The following CTNNA3 variants were observed in gnomAD, a reference collection of about 807,000 sequenced individuals.
CTNNA3 encodes catenin alpha-3.
A neutral mutation model predicts 95.7 loss-of-function variants in CTNNA3; 76 were observed. The observed-to-expected ratio is 0.79, with a 90% confidence interval of 0.66 to 0.96. CTNNA3 has a LOEUF of 0.96. Ranked by LOEUF, CTNNA3 falls within the 40% of genes least tolerant of loss-of-function variation. CTNNA3 has a pLI of 0.00. For missense variants in CTNNA3, 1,191 were observed against 1,089.8 expected (o/e 1.09, Z -1.31); for synonymous variants, 431 against 374.4 (o/e 1.15, Z -1.74).
chr10:66,958,815 A>G (rs975945489), intron 7 of CTNNA3, among the ~76,000 whole-genome samples: 5 of 152,122 alleles, frequency 3.3e-5, no homozygotes, highest in Non-Finnish European at 5.9e-5. Context: ...CTCAAAGAAG[A>G]AGGAAAGGAA....
chr10:67,296,279 C>T (rs1320414508), intron 5 of CTNNA3, among the ~76,000 whole-genome samples: 1 of 152,144 alleles, frequency 6.6e-6, no homozygotes, highest in Non-Finnish European at 1.5e-5. Flanking sequence ...AGAGCATTAT[C>T]GCCTACCTAG....
At chr10:67,182,411 A>T (rs1180866138) in intron 6 of CTNNA3, among the ~76,000 whole-genome samples, 1 of 152,204 alleles carries the variant, frequency 6.6e-6, no homozygotes, top group Non-Finnish European at 1.5e-5. Context: ...GATCTTTGAC[A>T]AACCTGAGAA....
At chr10:67,234,422 A>C (rs1022116829) in intron 5 of CTNNA3, among the ~76,000 whole-genome samples, 11 of 152,260 alleles carry the variant, frequency 7.2e-5, no homozygotes, top group African/African-American at 1.2e-4. Flanking sequence ...CCACATGATT[A>C]TCTCAACAGA....
intron 5 of CTNNA3, among the ~76,000 whole-genome samples, chr10:67,473,586 T>C (rs956204044): frequency 6.6e-6 from 1 of 152,186 alleles, no homozygotes; most frequent in Non-Finnish European, 1.5e-5. Flanking sequence ...TTGCATAACT[T>C]AAGAGGCTCA....
At chr10:66,740,127 G>A (rs771162838) in intron 9 of CTNNA3, among the ~76,000 whole-genome samples, 4 of 152,154 alleles carry the variant, frequency 2.6e-5, no homozygotes, top group East Asian at 1.9e-4. Flanking sequence ...AAGAGCGGGG[G>A]ACTTTATTAA....
intron 11 of CTNNA3, among the ~76,000 whole-genome samples, chr10:66,517,699 T>C (rs1293503133): frequency 6.6e-6 from 1 of 152,130 alleles, no homozygotes; most frequent in Non-Finnish European, 1.5e-5. Context: ...ATTTCTTTAC[T>C]TTCTCAATAA....
intron 7 of CTNNA3, among the ~76,000 whole-genome samples, chr10:67,134,084 T>C (rs1015958252): frequency 6.6e-6 from 1 of 152,112 alleles, no homozygotes; most frequent in Admixed American, 6.6e-5. Flanking sequence ...GGATATAAAC[T>C]CTAGCCTGTG....
intron 9 of CTNNA3, among the ~76,000 whole-genome samples, chr10:66,683,803 T>C (rs530114596): frequency 2.6e-5 from 4 of 152,256 alleles, no homozygotes; most frequent in East Asian, 1.9e-4. Flanking sequence ...TTTTGTATTT[T>C]GGGCTGGTTT....
intron 13 of CTNNA3, among the ~76,000 whole-genome samples, chr10:66,135,787 G>C (rs1462316628): frequency 6.6e-6 from 1 of 152,118 alleles, no homozygotes; most frequent in Non-Finnish European, 1.5e-5. Flanking sequence ...AAAATAGCTT[G>C]CATGCACTGG....
chr10:67,402,529 G>A (rs1201404155), intron 5 of CTNNA3, among the ~76,000 whole-genome samples: 1 of 152,168 alleles, frequency 6.6e-6, no homozygotes, highest in Non-Finnish European at 1.5e-5. Flanking sequence ...AAATATCCAG[G>A]TTTTCGCACT....
At chr10:66,221,432 C>T (rs1248659487) in intron 13 of CTNNA3, among the ~76,000 whole-genome samples, 1 of 152,084 alleles carries the variant, frequency 6.6e-6, no homozygotes, top group Non-Finnish European at 1.5e-5. Flanking sequence ...ATTCTGGATG[C>T]CCTGCAGAAA....
rs1257927157 is a variant in CTNNA3, at chr10:66,445,229, A to T, written c.1532-65877T>A. 1.0e-3 allele frequency among the ~76,000 whole-genome samples: 158 copies of T among 152,094 alleles called. 1 individual carries two copies. Among genetic ancestry groups the T allele is most frequent in the African/African-American group, 3.4e-3 (139 of 41,464 alleles). On this transcript the variant is annotated intron_variant, in intron 11 of 17. Coordinates refer to ENST00000433211, the MANE Select transcript of CTNNA3 (RefSeq NM_013266.4). ...CTCCCACACAATAATAATGGGAGAC[A>T]TTAACACCCCACTGTCAACATTAGA...
intron 11 of CTNNA3, among the ~76,000 whole-genome samples, chr10:66,466,253 C>T (rs116713981): frequency 1.7e-3 from 249 of 150,296 alleles, no homozygotes; most frequent in African/African-American, 5.7e-3. Flanking sequence ...TGCCAGTCTC[C>T]GAAATTGTAC....
chr10:67,141,797 A>G (rs1860580053), intron 7 of CTNNA3, among the ~76,000 whole-genome samples: 1 of 152,206 alleles, frequency 6.6e-6, no homozygotes, highest in Non-Finnish European at 1.5e-5. Context: ...AAATTTATAT[A>G]AAACACCAAA....
intron 5 of CTNNA3, among the ~76,000 whole-genome samples, chr10:67,496,232 G>A (rs1455553728): frequency 1.3e-5 from 2 of 152,084 alleles, no homozygotes; most frequent in Admixed American, 6.6e-5. Flanking sequence ...TCATCTTGCG[G>A]TGTGACAGAC....
At chr10:67,200,308 T>C (rs1230914680) in intron 6 of CTNNA3, among the ~76,000 whole-genome samples, 1 of 152,066 alleles carries the variant, frequency 6.6e-6, no homozygotes, top group African/African-American at 2.4e-5. Flanking sequence ...CAGGAATGCA[T>C]GAATAAAAAA....
intron 5 of CTNNA3, among the ~76,000 whole-genome samples, chr10:67,461,484 T>C (rs1013030188): frequency 6.6e-5 from 10 of 152,160 alleles, no homozygotes; most frequent in South Asian, 6.2e-4. Flanking sequence ...ATGTTCAATA[T>C]ACAACCTATA....
rs574980101 is a variant in CTNNA3 at position 67,515,557 on chromosome 10, T to A, written c.579+6285A>T. Among the ~76,000 whole-genome samples, 6 of 152,362 alleles carry A rather than the reference T, an allele frequency of 3.9e-5. No homozygotes were observed. The East Asian group carries it at 1.2e-3, about 29-fold the overall frequency. ...ACCTGTGCAATAAATTTTTAAATGA[T>A]GTCTGAAATGCTTTGAAATCTTCAG... On this transcript the variant is annotated intron_variant, in intron 5 of 17. Coordinates refer to ENST00000433211, the MANE Select transcript of CTNNA3 (RefSeq NM_013266.4).
chr10:66,525,851 T>C (rs1841238417), intron 10 of CTNNA3, among the ~76,000 whole-genome samples: 1 of 152,198 alleles, frequency 6.6e-6, no homozygotes, highest in African/African-American at 2.4e-5. Context: ...TTATACTTTC[T>C]ACCTCTTTTG....
Sources: gnomAD v4.1 joint callset for allele counts (sites outside exome capture counted in the v4.1 genomes callset) on GRCh38, gnomAD v4.1.1 for gene constraint, MANE v1.5 for transcripts, NCBI Gene and HGNC (gene_info 2026-07-23, HGNC 2026-07-21) for gene names.